GSG1L: variants seen among roughly 807,000 people sequenced by gnomAD.
GSG1L encodes the protein germ cell-specific gene 1-like protein.
GSG1L carries 24 observed loss-of-function variants against 42.1 expected under a neutral mutation model. The ratio of observed to expected loss-of-function variants is 0.57; its 90% CI spans 0.41 to 0.80. The LOEUF (loss-of-function observed/expected upper bound fraction) is 0.80, where lower values mean the gene tolerates loss of function less well. Among genes scored for constraint, GSG1L ranks in the 30% least tolerant of loss-of-function variants. The probability of loss-of-function intolerance (pLI) is 0.00; values close to 1 mark genes in which losing one functional copy is unlikely to be tolerated. For synonymous variants in GSG1L, 215 were observed against 203.5 expected (o/e 1.06, Z -0.48); for missense variants, 445 against 472.2 (o/e 0.94, Z 0.53).
chr16:27,882,982 G>T (rs1034016377), intron 3 of GSG1L, among the ~76,000 whole-genome samples: 3 of 151,870 alleles, frequency 2.0e-5, no homozygotes, highest in Non-Finnish European at 4.4e-5. Context: ...TGGTCGGGGG[G>T]ATGGGGGTTG....
At chr16:28,041,867 C>T (rs1184727207) in intron 1 of GSG1L, among the ~76,000 whole-genome samples, 1 of 152,226 alleles carries the variant, frequency 6.6e-6, no homozygotes, top group Admixed American at 6.5e-5. Flanking sequence ...CTGGGCATCG[C>T]AGATGTTGAA....
At chr16:28,046,744 T>C (rs373982689) in intron 1 of GSG1L, among the ~76,000 whole-genome samples, 1 of 152,128 alleles carries the variant, frequency 6.6e-6, no homozygotes, top group East Asian at 1.9e-4. Context: ...GCATCAGCCT[T>C]GTCCCTGTTC....
At chr16:27,828,320 C>T (rs1283066711) in intron 5 of GSG1L, among the ~76,000 whole-genome samples, 1 of 152,192 alleles carries the variant, frequency 6.6e-6, no homozygotes, top group Non-Finnish European at 1.5e-5. Context: ...ATTGTCACCT[C>T]CTCTAATCCC....
intron 6 of GSG1L, among the ~76,000 whole-genome samples, chr16:27,806,928 C>A (rs143861923): frequency 6.6e-6 from 1 of 152,140 alleles, no homozygotes; most frequent in Non-Finnish European, 1.5e-5. Context: ...GTGGGGAACA[C>A]GTGGTGGGCA....
At position 28,016,032 on chromosome 16, in the gene GSG1L, C is replaced by T. The variant is rs148584027; in HGVS notation, c.349+47044G>A. Among the ~76,000 whole-genome samples, 247 of 152,250 alleles carry T rather than the reference C, an allele frequency of 1.6e-3. 1 individual carries two copies. The highest frequency in any genetic ancestry group is 5.8e-3 in the African/African-American group (239 of 41,548). ...TTGAGATGGAGTCTTGCTCTGTCAC[C>T]CAGGCTGGAGTGTAGTGGCACAGCC... is the stretch of plus-strand genomic sequence containing the variant. On this transcript the variant is annotated intron_variant, in intron 1 of 6. Coordinates refer to ENST00000447459, the MANE Select transcript of GSG1L (RefSeq NM_001109763.2).
intron 2 of GSG1L, among the ~76,000 whole-genome samples, chr16:27,903,903 G>A (rs910624323): frequency 6.6e-5 from 10 of 152,164 alleles, no homozygotes; most frequent in African/African-American, 2.4e-4. Flanking sequence ...TACAATGGCC[G>A]TTAACTCCCC....
Position 27,790,135 on chromosome 16 carries a change from T to A in GSG1L, c.*1235A>T, listed in dbSNP as rs541107336. ...AATGATGGATGGATGAGTGGAAAGA[T>A]GAATTATGAATGATGGATGGATGAT... On this transcript the variant is annotated 3_prime_UTR_variant, in exon 7 of 7. Transcript: ENST00000447459. The A allele has an allele frequency of 6.6e-6, 1 of 151,070 alleles. No homozygotes were observed. Among genetic ancestry groups the A allele is most frequent in the East Asian group, 2.0e-4 (1 of 5,074 alleles). The allele number at this position is 151,070 out of a possible 1,614,324, so 9.4% of individuals were successfully genotyped here.
chr16:27,913,702 T>C (rs2084418493), intron 2 of GSG1L, among the ~76,000 whole-genome samples: 1 of 152,200 alleles, frequency 6.6e-6, no homozygotes, highest in Non-Finnish European at 1.5e-5. Flanking sequence ...CAGAGGTGAG[T>C]AACCACAATA....
intron 3 of GSG1L, among the ~76,000 whole-genome samples, chr16:27,855,847 G>C (rs573941623): frequency 1.3e-5 from 2 of 151,994 alleles, no homozygotes; most frequent in Non-Finnish European, 2.9e-5. Flanking sequence ...GTCAGGGCTC[G>C]GGAGGTACAG....
chr16:28,015,125 C>T (rs956310056), intron 1 of GSG1L, among the ~76,000 whole-genome samples: 1 of 152,256 alleles, frequency 6.6e-6, no homozygotes, highest in Non-Finnish European at 1.5e-5. Context: ...AGAGTGCCTT[C>T]TTTGCCTGGG....
At chr16:28,041,563 G>T (rs950322869) in intron 1 of GSG1L, among the ~76,000 whole-genome samples, 5 of 152,186 alleles carry the variant, frequency 3.3e-5, no homozygotes, top group African/African-American at 1.2e-4. Flanking sequence ...ATGAGTAAAT[G>T]AATGAATAAG....
At chr16:27,980,907 A>AC (rs1413362208) in intron 1 of GSG1L, among the ~76,000 whole-genome samples, 3 of 151,346 alleles carry the variant, frequency 2.0e-5, no homozygotes, top group Non-Finnish European at 2.9e-5. Context: ...AAAACAAAAA[A>AC]AAAAAAAAAA....
intron 1 of GSG1L, among the ~76,000 whole-genome samples, chr16:28,041,463 A>G (rs1306653056): frequency 6.6e-6 from 1 of 152,202 alleles, no homozygotes; most frequent in African/African-American, 2.4e-5. Context: ...AAAAGAAAAA[A>G]AAAAGATACT....
chr16:28,043,266 A>G (rs889771889), intron 1 of GSG1L, among the ~76,000 whole-genome samples: 1 of 152,180 alleles, frequency 6.6e-6, no homozygotes, highest in African/African-American at 2.4e-5. Context: ...CAGAGGGTGG[A>G]AAGCAAGGAC....
intron 1 of GSG1L, among the ~76,000 whole-genome samples, chr16:28,036,459 T>G (rs374685788): frequency 5.9e-5 from 9 of 151,694 alleles, no homozygotes; most frequent in African/African-American, 9.7e-5. Flanking sequence ...AAGACTCCAG[T>G]TCCCCCCTGG....
intron 5 of GSG1L, among the ~76,000 whole-genome samples, chr16:27,812,507 C>T (rs1421631103): frequency 2.6e-5 from 4 of 152,210 alleles, no homozygotes; most frequent in Non-Finnish European, 5.9e-5. Context: ...TGGACAGTAG[C>T]AGGTGGTGGA....
At chr16:27,841,023 C>T (rs2083374716) in intron 4 of GSG1L, among the ~76,000 whole-genome samples, 1 of 152,156 alleles carries the variant, frequency 6.6e-6, no homozygotes. Context: ...AATAACAACA[C>T]ATTTTTACTA....
chr16:27,820,183 T>C (rs2083136398), intron 5 of GSG1L, among the ~76,000 whole-genome samples: 2 of 152,014 alleles, frequency 1.3e-5, no homozygotes, highest in South Asian at 4.2e-4. Context: ...AGAATCCAAG[T>C]AGAAACACCA....
chr16:27,912,857 C>T (rs971917775), intron 2 of GSG1L, among the ~76,000 whole-genome samples: 3 of 152,098 alleles, frequency 2.0e-5, no homozygotes, highest in Non-Finnish European at 4.4e-5. Flanking sequence ...AAATGGTTAT[C>T]GACAGTAGAA....
Sources: gnomAD v4.1 joint callset for allele counts (sites outside exome capture counted in the v4.1 genomes callset) on GRCh38, gnomAD v4.1.1 for gene constraint, MANE v1.5 for transcripts, NCBI Gene and HGNC (gene_info 2026-07-23, HGNC 2026-07-21) for gene names.